ANKS1B: variants seen among roughly 807,000 people sequenced by gnomAD.
The protein encoded by ANKS1B is ankyrin repeat and sterile alpha motif domain containing 1B.
ANKS1B carries 36 observed loss-of-function variants against 148.3 expected under a neutral mutation model. The observed-to-expected ratio is 0.24, with a 90% CI of 0.19 to 0.32. ANKS1B has a LOEUF of 0.32. ANKS1B is among the 10% of genes least tolerant of loss of function. The pLI is 1.00. For synonymous variants in ANKS1B, 542 were observed against 560.8 expected (o/e 0.97, Z 0.47); for missense variants, 1,157 against 1,542.6 (o/e 0.75, Z 4.19).
In ANKS1B at chr12:99,398,286, A is replaced by G. The variant is rs184389870; in HGVS notation, c.1756+1345T>C. 2.8e-3 allele frequency among the ~76,000 whole-genome samples: 429 copies of G among 152,254 alleles called. 5 individuals are homozygous for G. The highest frequency in any genetic ancestry group is 9.8e-3 in the African/African-American group (409 of 41,560). ...CCTAGGGAAAAGTAATTCTCTGACT[A>G]TATTTCCAGAATGTTTGTGTTAGTG... On this transcript the variant is annotated intron_variant, in intron 12 of 26. Coordinates refer to ENST00000683438, the MANE Select transcript of ANKS1B (RefSeq NM_001352186.2).
At chr12:99,138,345 T>C (rs2068848283) in intron 15 of ANKS1B, among the ~76,000 whole-genome samples, 1 of 152,210 alleles carries the variant, frequency 6.6e-6, no homozygotes, top group South Asian at 2.1e-4. Flanking sequence ...TTCCAGATGA[T>C]ATGAAACTAT....
intron 17 of ANKS1B, among the ~76,000 whole-genome samples, chr12:99,008,653 T>G (rs2099937560): frequency 6.6e-6 from 1 of 152,090 alleles, no homozygotes; most frequent in Non-Finnish European, 1.5e-5. Context: ...GGTCCAAGAG[T>G]GTCATTTAGG....
intron 16 of ANKS1B, among the ~76,000 whole-genome samples, chr12:99,059,151 T>C (rs1006716676): frequency 6.6e-6 from 1 of 152,178 alleles, no homozygotes; most frequent in Non-Finnish European, 1.5e-5. Flanking sequence ...TTCTGTAGTA[T>C]TTTCCATAGA....
In ANKS1B at chr12:99,778,931, C is replaced by T. The variant is rs559313813; in HGVS notation, c.847+940G>A. Among the ~76,000 whole-genome samples the T allele has an allele frequency of 9.8e-5, 15 of 152,290 alleles. No individual in the cohort carries two copies. In the South Asian group the frequency reaches 3.1e-3, roughly 32 times the overall value. Reference sequence around the variant, plus strand: ...CTGTTCTTCAGCTTCCCAACTGACACCTAATAAAACCTATCTCACCACCCT... The same window carrying T: ...CTGTTCTTCAGCTTCCCAACTGACATCTAATAAAACCTATCTCACCACCCT... On this transcript the variant is annotated intron_variant, in intron 6 of 26. Transcript: ENST00000683438.
chr12:99,141,003 C>G (rs1440788379), intron 15 of ANKS1B, among the ~76,000 whole-genome samples: 1 of 152,200 alleles, frequency 6.6e-6, no homozygotes, highest in East Asian at 1.9e-4. Context: ...CCCACTCTCT[C>G]TGTCTTCCCT....
At chr12:99,139,440 T>TTCTTTCTTTCTTTC (rs201769650) in intron 15 of ANKS1B, among the ~76,000 whole-genome samples, 195 of 4,730 alleles carry the variant, frequency 0.041, 70 homozygotes, top group African/African-American at 0.083. Flanking sequence ...CTTTCTTTCT[T>TTCTTTCTTTCTTTC]TTTCTTTCTT....
At chr12:98,948,948 T>A (rs1389080744) in intron 17 of ANKS1B, among the ~76,000 whole-genome samples, 3 of 94,902 alleles carry the variant, frequency 3.2e-5, no homozygotes, top group Non-Finnish European at 5.8e-5. Context: ...CATGAGCTAC[T>A]TTTTTTTTTT....
chr12:99,485,380 T>A (rs577894503), intron 10 of ANKS1B, among the ~76,000 whole-genome samples: 2 of 152,278 alleles, frequency 1.3e-5, no homozygotes, highest in East Asian at 3.9e-4. Flanking sequence ...GTTAGTCTGA[T>A]AGGTTTTCCT....
chr12:99,496,729 T>C (rs1465699497), intron 10 of ANKS1B, among the ~76,000 whole-genome samples: 1 of 152,214 alleles, frequency 6.6e-6, no homozygotes, highest in Non-Finnish European at 1.5e-5. Flanking sequence ...GATAATTTTT[T>C]TTTTCCTGTG....
chr12:99,525,406 A>G (rs546921373), intron 9 of ANKS1B, among the ~76,000 whole-genome samples: 6 of 152,334 alleles, frequency 3.9e-5, no homozygotes, highest in Non-Finnish European at 8.8e-5. Context: ...ATGTGTGACA[A>G]TAGACAGGTT....
At chr12:99,284,027 G>A (rs1264902676) in intron 12 of ANKS1B, among the ~76,000 whole-genome samples, 2 of 151,584 alleles carry the variant, frequency 1.3e-5, no homozygotes, top group East Asian at 3.9e-4. Flanking sequence ...ATAAGTTCTG[G>A]GTTACCCTGA....
chr12:99,317,982 T>C (rs981744590), intron 12 of ANKS1B, among the ~76,000 whole-genome samples: 2 of 152,260 alleles, frequency 1.3e-5, no homozygotes, highest in Admixed American at 1.3e-4. Context: ...GATTTGCATA[T>C]GTTGAACCAG....
At chr12:99,369,048 G>A (rs542857144) in intron 12 of ANKS1B, among the ~76,000 whole-genome samples, 3 of 152,204 alleles carry the variant, frequency 2.0e-5, no homozygotes, top group African/African-American at 7.2e-5. Flanking sequence ...ATTCCCAACA[G>A]TTCATTTACC....
At chr12:99,646,302 C>G (rs890819520) in intron 9 of ANKS1B, among the ~76,000 whole-genome samples, 1 of 151,986 alleles carries the variant, frequency 6.6e-6, no homozygotes, top group Non-Finnish European at 1.5e-5. Flanking sequence ...TCCAAGTATC[C>G]AAAATAATCA....
intron 1 of ANKS1B, among the ~76,000 whole-genome samples, chr12:99,831,866 A>T (rs769383318): frequency 4.6e-5 from 7 of 152,316 alleles, no homozygotes; most frequent in Non-Finnish European, 1.0e-4. Context: ...CTATTCTTTA[A>T]CATAAAATAA....
chr12:99,605,312 TTATCA>T (rs1381214223), intron 9 of ANKS1B, among the ~76,000 whole-genome samples: 3 of 152,090 alleles, frequency 2.0e-5, no homozygotes, highest in African/African-American at 7.2e-5. Context: ...CCTCAGATAC[TTATCA>T]TTTGTTTGCA....
intron 1 of ANKS1B, among the ~76,000 whole-genome samples, chr12:99,882,296 G>A (rs1356940280): frequency 6.6e-6 from 1 of 152,078 alleles, no homozygotes; most frequent in East Asian, 1.9e-4. Flanking sequence ...TGCCTAATAT[G>A]TATATCATCC....
intron 12 of ANKS1B, among the ~76,000 whole-genome samples, chr12:99,345,679 T>C (rs1022007523): frequency 4.0e-5 from 6 of 151,830 alleles, no homozygotes; most frequent in African/African-American, 1.2e-4. Flanking sequence ...TGGGTTCCTA[T>C]GGTGGGGATA....
intron 10 of ANKS1B, among the ~76,000 whole-genome samples, chr12:99,463,490 T>C (rs1331191142): frequency 1.3e-5 from 2 of 152,202 alleles, no homozygotes; most frequent in African/African-American, 2.4e-5. Context: ...GGCGAGGCAT[T>C]GCCTCACTTG....
Sources: gnomAD v4.1 joint callset for allele counts (sites outside exome capture counted in the v4.1 genomes callset) on GRCh38, gnomAD v4.1.1 for gene constraint, MANE v1.5 for transcripts, NCBI Gene and HGNC (gene_info 2026-07-23, HGNC 2026-07-21) for gene names.